Variants in LCT observed in about 807,000 individuals in gnomAD.
LCT encodes the protein lactase/phlorizin hydrolase.
LCT carries 90 observed loss-of-function variants against 173.0 expected under a neutral mutation model. That is an observed-to-expected ratio of 0.52 (90% confidence interval 0.44 to 0.62). LCT has a LOEUF of 0.62. Ranked by LOEUF, LCT falls within the 20% of genes least tolerant of loss-of-function variation. LCT has a pLI of 0.00. For missense variants in LCT, 1,864 were observed against 2,431.4 expected, an observed-to-expected ratio of 0.77 and a Z score of 4.91; for synonymous variants, 853 against 957.6, an observed-to-expected ratio of 0.89 and a Z score of 2.02.
intron 3 of LCT, among the ~76,000 whole-genome samples, chr2:135,826,777 A>C (rs947596576): frequency 3.3e-5 from 5 of 152,176 alleles, no homozygotes; most frequent in African/African-American, 1.2e-4. Context: ...TTTAGTCATC[A>C]CAGGCACAAG....
chr2:135,808,406 G>T, intron 8 of LCT, 37 bp downstream of exon 8: 1 of 1,512,404 alleles, frequency 6.6e-7, no homozygotes, highest in Non-Finnish European at 9.2e-7. Flanking sequence ...AGGGAATGTT[G>T]GAAGATTTCT....
At chr2:135,793,019 C>T (rs975056209) in intron 14 of LCT, among the ~76,000 whole-genome samples, 11 of 152,148 alleles carry the variant, frequency 7.2e-5, no homozygotes, top group Non-Finnish European at 1.0e-4. Flanking sequence ...AACCAACTCA[C>T]GCCATTATAG....
chr2:135,792,330 A>G (rs2077539213), intron 14 of LCT, among the ~76,000 whole-genome samples: 4 of 152,252 alleles, frequency 2.6e-5, no homozygotes, highest in Admixed American at 1.3e-4. Context: ...AGGGAGGGGC[A>G]GGATTAAGGA....
chr2:135,800,439 A>G (rs2077615989), intron 12 of LCT, among the ~76,000 whole-genome samples, 168 bp downstream of exon 12: 1 of 152,100 alleles, frequency 6.6e-6, no homozygotes, highest in South Asian at 2.1e-4. Context: ...TGCCCAGGCT[A>G]GTCTCAAACT....
intron 12 of LCT, among the ~76,000 whole-genome samples, chr2:135,799,608 C>A (rs1404366051): frequency 6.6e-6 from 1 of 152,048 alleles, no homozygotes. Context: ...TGCCACCACA[C>A]CTCGGTAATT....
rs555205258 is a variant in LCT, at chr2:135,834,225, G to A, written c.641-1035C>T. The stretch of plus-strand genomic sequence containing the variant: ...TTTTGAGACAGAGTCTCGCTCTGTC[G>A]CCCAGGCTGGAGTGCAATGGCGCAG... On this transcript the variant is annotated intron_variant, in intron 1 of 16. Coordinates refer to ENST00000264162, the MANE Select transcript of LCT (RefSeq NM_002299.4). Among the ~76,000 whole-genome samples the A allele has an allele frequency of 1.1e-4, 17 of 151,914 alleles. 1 individual carries two copies. The highest frequency in any genetic ancestry group is 9.2e-4 in the Admixed American group (14 of 15,258).
intron 6 of LCT, among the ~76,000 whole-genome samples, chr2:135,813,764 T>C (rs1016919522): frequency 2.4e-4 from 36 of 152,374 alleles, no homozygotes; most frequent in Admixed American, 2.3e-3. Context: ...AGGATTATTT[T>C]AATTAGCACA....
At chr2:135,824,827 AC>A (rs2077871000) in intron 3 of LCT, among the ~76,000 whole-genome samples, 1 of 151,606 alleles carries the variant, frequency 6.6e-6, no homozygotes, top group South Asian at 2.1e-4. Flanking sequence ...ACATGGTGAA[AC>A]CCTGTCTTTA....
In LCT at chr2:135,800,802, G is replaced by A. The variant is rs368479125; in HGVS notation, c.4671C>T (p.Ser1557=). The A allele has an allele frequency of 3.1e-6, 5 of 1,612,402 alleles. No individual in the cohort carries two copies. The African/African-American group carries it at 4.0e-5, about 13-fold the overall frequency. The change falls in exon 12 of 17, where the codon TCC becomes TCT. Residue 1557 remains serine, a synonymous_variant. Coordinates refer to ENST00000264162, the MANE Select transcript of LCT (RefSeq NM_002299.4). The part of the protein sequence containing the change: ...YGYGTAAPGV[S]NRPGTAPYIV... Reference sequence around the variant, plus strand: ...TGTAGGGGGCAGTGCCAGGCCTATTGGAGACTCCTGGAAACATACACATGG... The same window carrying A: ...TGTAGGGGGCAGTGCCAGGCCTATTAGAGACTCCTGGAAACATACACATGG...
At chr2:135,801,059 GA>G (rs2077622453) in intron 11 of LCT, among the ~76,000 whole-genome samples, 1 of 152,168 alleles carries the variant, frequency 6.6e-6, no homozygotes, top group Admixed American at 6.6e-5. Context: ...AGAGGGAAAT[GA>G]AACAGTGTAT....
At chr2:135,825,568 T>A (rs1259086681) in intron 3 of LCT, among the ~76,000 whole-genome samples, 1 of 152,216 alleles carries the variant, frequency 6.6e-6, no homozygotes, top group East Asian at 1.9e-4. Flanking sequence ...GAGAACTCCC[T>A]GGGAGCACAG....
intron 11 of LCT, among the ~76,000 whole-genome samples, chr2:135,802,661 T>A (rs2077636276): frequency 6.6e-6 from 1 of 152,144 alleles, no homozygotes; most frequent in African/African-American, 2.4e-5. Context: ...GCTAAAAAGA[T>A]GAGCTCCTAG....
chr2:135,797,910 T>A (rs1365665657), intron 13 of LCT, 119 bp downstream of exon 13: 1 of 740,098 alleles, frequency 1.4e-6, no homozygotes, highest in East Asian at 2.5e-5. Context: ...AAGCTTTACA[T>A]ATATGATCAC....
chr2:135,788,919 C>G (rs2077512566), intron 16 of LCT, among the ~76,000 whole-genome samples: 1 of 152,166 alleles, frequency 6.6e-6, no homozygotes, highest in Non-Finnish European at 1.5e-5. Flanking sequence ...TTATATGCAA[C>G]TTATCCACGT....
At chr2:135,830,964 G>C (rs1166419031) in intron 2 of LCT, among the ~76,000 whole-genome samples, 1 of 152,268 alleles carries the variant, frequency 6.6e-6, no homozygotes, top group Admixed American at 6.5e-5. Context: ...CAGAAATTTA[G>C]AAGTGCTGTA....
intron 8 of LCT, among the ~76,000 whole-genome samples, 177 bp downstream of exon 8, chr2:135,808,266 T>C (rs184134053): frequency 2.1e-4 from 32 of 152,210 alleles, no homozygotes; most frequent in Middle Eastern, 3.4e-3. Context: ...AACCATAGCC[T>C]TTTTTCCCCC....
chr2:135,809,636 C>A lies in LCT; in HGVS notation c.2711G>T (p.Arg904Leu). 3.1e-6 allele frequency: 5 copies of A among 1,614,154 alleles called. No individual in the cohort carries two copies. Among genetic ancestry groups the A allele is most frequent in the Non-Finnish European group, 4.2e-6 (5 of 1,180,014 alleles). Residue 904 changes from arginine (R) to leucine (L), a missense_variant, in exon 8 of 17, where the codon CGG (arginine) becomes CTG (leucine). By Grantham distance (102) the Arg-to-Leu change is moderately radical (BLOSUM62 -2). Coordinates refer to ENST00000264162, the MANE Select transcript of LCT (RefSeq NM_002299.4). The surrounding 1 kb of genome is among the most constrained non-coding windows in gnomAD (Gnocchi z 5.5). The stretch of plus-strand genomic sequence containing the variant: ...GGACACGCCCCACAGAAAGTCATCC[C>A]GAAACGTCCCGTGGTAGAACAAATC... Reference protein sequence around the residue: ...ERDLFYHGTFRDDFLWGVSSS... With the variant: ...ERDLFYHGTFLDDFLWGVSSS...
At chr2:135,821,116 C>T (rs1329353209) in intron 5 of LCT, among the ~76,000 whole-genome samples, 2 of 152,148 alleles carry the variant, frequency 1.3e-5, no homozygotes, top group Non-Finnish European at 2.9e-5. Context: ...CTCCTGACCT[C>T]GTGATCCACC....
intron 2 of LCT, 25 bp from the exon 3 acceptor site, chr2:135,829,701 C>CT: frequency 2.0e-6 from 3 of 1,489,424 alleles, no homozygotes; most frequent in African/African-American, 1.4e-5. Context: ...TAAATAGGGT[C>CT]ATTAGAACCT....
Sources: gnomAD v4.1 joint callset for allele counts (sites outside exome capture counted in the v4.1 genomes callset) on GRCh38, gnomAD v4.1.1 for gene constraint, Gnocchi (gnomAD v3.1) non-coding constraint, MANE v1.5 for transcripts, NCBI Gene and HGNC (gene_info 2026-07-23, HGNC 2026-07-21) for gene names.